The following SGCD variants were observed in gnomAD, a reference collection of about 807,000 sequenced individuals.
The protein encoded by SGCD is delta-sarcoglycan.
A neutral mutation model predicts 36.6 loss-of-function variants in SGCD; 18 were observed. The ratio of observed to expected loss-of-function variants is 0.49; its 90% CI spans 0.34 to 0.73. The LOEUF is 0.73. Ranked by LOEUF, SGCD falls within the 30% of genes least tolerant of loss-of-function variation. The pLI is 0.01. For synonymous variants in SGCD, 133 were observed against 130.6 expected (o/e 1.02, Z -0.12); for missense variants, 387 against 346.7 (o/e 1.12, Z -0.92).
At chr5:155,834,016 G>C in the SGCD span, among the ~76,000 whole-genome samples, 1 of 152,200 alleles carries the variant, frequency 6.6e-6, no homozygotes, top group Non-Finnish European at 1.5e-5. Context: ...GTGTGGCTAT[G>C]GCCCTTGCTG....
intron 7 of SGCD, among the ~76,000 whole-genome samples, chr5:156,685,695 T>C (rs1753880188): frequency 6.6e-6 from 1 of 152,186 alleles, no homozygotes; most frequent in African/African-American, 2.4e-5. Context: ...ATAATGGGGA[T>C]ATTGTCATTT....
intron 4 of SGCD, among the ~76,000 whole-genome samples, chr5:156,571,436 T>TTA (rs1759721085): frequency 6.6e-6 from 1 of 152,166 alleles, no homozygotes; most frequent in South Asian, 2.1e-4. Context: ...TACTGGCTTA[T>TTA]TAAGTATTTA....
At chr5:156,681,004 C>T (rs1183907247) in intron 7 of SGCD, among the ~76,000 whole-genome samples, 1 of 152,126 alleles carries the variant, frequency 6.6e-6, no homozygotes, top group Non-Finnish European at 1.5e-5. Flanking sequence ...TCGCTCCTCT[C>T]TGGCAGAAGC....
At chr5:156,011,057 T>TAAAAAAA (rs1368249389) in intron 1 of SGCD, among the ~76,000 whole-genome samples, 1 of 152,212 alleles carries the variant, frequency 6.6e-6, no homozygotes, top group African/African-American at 2.4e-5. Flanking sequence ...TTTTTATGCA[T>TAAAAAAA]GTTTACCATT....
intron 1 of SGCD, among the ~76,000 whole-genome samples, chr5:155,873,438 C>G (rs1028043900): frequency 6.6e-6 from 1 of 152,136 alleles, no homozygotes; most frequent in South Asian, 2.1e-4. Flanking sequence ...AGTCCAAATA[C>G]TGCATGTTCT....
At chr5:155,796,070 A>C in the SGCD span, among the ~76,000 whole-genome samples, 1 of 152,212 alleles carries the variant, frequency 6.6e-6, no homozygotes, top group African/African-American at 2.4e-5. Context: ...CCCTAAATCA[A>C]TAAGGATATT....
At position 156,436,654 on chromosome 5, in the gene SGCD, G is replaced by C. The variant is rs561245105; in HGVS notation, c.193-71947G>C. On this transcript the variant is annotated intron_variant, in intron 3 of 8. Coordinates refer to ENST00000337851, the MANE Select transcript of SGCD (RefSeq NM_000337.6). ...TAAATCAGAATCCACATTTCCGTGTGAGTCCATTGCCTTTCCTATTATATC... is the reference window on the plus strand; with the variant it reads ...TAAATCAGAATCCACATTTCCGTGTCAGTCCATTGCCTTTCCTATTATATC... 2.4e-4 allele frequency among the ~76,000 whole-genome samples: 37 copies of C among 152,348 alleles called. No individual in the cohort carries two copies. In the South Asian group the frequency reaches 7.0e-3, roughly 29 times the overall value.
chr5:156,185,291 T>C (rs989051937), intron 3 of SGCD, among the ~76,000 whole-genome samples: 2 of 149,174 alleles, frequency 1.3e-5, no homozygotes, highest in African/African-American at 2.5e-5. Flanking sequence ...CTCGGCTCAC[T>C]GTAAGCTCCG....
At chr5:156,691,794 C>T (rs1754121143) in intron 7 of SGCD, among the ~76,000 whole-genome samples, 1 of 152,194 alleles carries the variant, frequency 6.6e-6, no homozygotes, top group Non-Finnish European at 1.5e-5. Context: ...ACCGAATTAG[C>T]ATGTGCTGAA....
At chr5:156,602,716 T>C (rs975787203) in intron 6 of SGCD, among the ~76,000 whole-genome samples, 1 of 152,216 alleles carries the variant, frequency 6.6e-6, no homozygotes, top group Non-Finnish European at 1.5e-5. Context: ...TTTTTGTCTT[T>C]CTTTCCATTA....
chr5:156,638,574 A>T (rs1234383535), intron 6 of SGCD, among the ~76,000 whole-genome samples: 1 of 152,126 alleles, frequency 6.6e-6, no homozygotes, highest in Non-Finnish European at 1.5e-5. Flanking sequence ...TTGTTCCAGA[A>T]TTTTCCATTA....
In SGCD at chr5:156,307,552, G is replaced by GTTTTTTTTTTT; in HGVS notation, c.-43-21980_-43-21979insTTTTTTTTTTT. Among the ~76,000 whole-genome samples, 74 of 48,426 alleles carry GTTTTTTTTTTT rather than the reference G, an allele frequency of 1.5e-3. 13 individuals carry two copies. Among genetic ancestry groups the GTTTTTTTTTTT allele is most frequent in the African/African-American group, 3.0e-3 (33 of 10,896 alleles). The allele number at this position is 48,426 out of a possible 152,430, so 31.8% of individuals were successfully genotyped here. A position where few individuals can be genotyped will look rare whatever the true frequency, so the allele number is the denominator to read the frequency against. On this transcript the variant is annotated intron_variant, in intron 3 of 9. Coordinates refer to the SGCD transcript ENST00000517913. The stretch of plus-strand genomic sequence containing the variant: ...CTTCTTGTCTGTATACATTTTAACT[G>GTTTTTTTTTTT]TTGTTTTTTTTTTTTTTTTTTTTTT...
At chr5:156,667,616 C>A (rs1272355364) in intron 7 of SGCD, among the ~76,000 whole-genome samples, 1 of 152,162 alleles carries the variant, frequency 6.6e-6, no homozygotes, top group Non-Finnish European at 1.5e-5. Context: ...TGAACAGCAT[C>A]CATGTTGGTC....
chr5:156,396,051 A>G (rs530632711), intron 3 of SGCD, among the ~76,000 whole-genome samples: 71 of 152,328 alleles, frequency 4.7e-4, no homozygotes, highest in African/African-American at 1.7e-3. Context: ...TTGAAAACTC[A>G]GAAGAACTGA....
Position 156,288,715 on chromosome 5 carries a change from AT to A in SGCD, c.-43-40810del, listed in dbSNP as rs78196376. On this transcript the variant is annotated intron_variant, in intron 3 of 9. Coordinates refer to the SGCD transcript ENST00000517913. ...TTTAAATAAACATGTCTTTAGTTCA[AT>A]TTTTTTTTCCTGACATTTTTCAGAT... 1.9e-3 allele frequency among the ~76,000 whole-genome samples: 289 copies of A among 151,500 alleles called. 1 individual carries two copies. Among genetic ancestry groups the A allele is most frequent in the African/African-American group, 5.8e-3 (239 of 41,308 alleles).
intron 1 of SGCD, among the ~76,000 whole-genome samples, chr5:156,005,926 G>A (rs1758753466): frequency 6.6e-6 from 1 of 152,174 alleles, no homozygotes; most frequent in African/African-American, 2.4e-5. Flanking sequence ...ATAGACTTTA[G>A]TGCCAGATGG....
chr5:156,318,292 C>T (rs903643000), intron 3 of SGCD, among the ~76,000 whole-genome samples: 3 of 152,124 alleles, frequency 2.0e-5, no homozygotes, highest in African/African-American at 2.4e-5. Context: ...TGCATTTAAA[C>T]TCAGAAAAAG....
At chr5:155,797,759 C>A in the SGCD span, among the ~76,000 whole-genome samples, 1 of 152,166 alleles carries the variant, frequency 6.6e-6, no homozygotes, top group Non-Finnish European at 1.5e-5. Context: ...ATCTTTAAAA[C>A]CCGTGTTAAA....
chr5:156,255,630 G>C (rs1285912121), intron 3 of SGCD, among the ~76,000 whole-genome samples: 1 of 151,976 alleles, frequency 6.6e-6, no homozygotes, highest in Non-Finnish European at 1.5e-5. Context: ...TTTAAAAATT[G>C]TTGGCTTATA....
Sources: allele counts gnomAD v4.1 joint callset (sites outside exome capture counted in the v4.1 genomes callset), GRCh38; gene constraint gnomAD v4.1.1; transcripts MANE v1.5; gene names NCBI Gene and HGNC (gene_info 2026-07-23, HGNC 2026-07-21).